The following ABCD2 variants were observed in gnomAD, a reference collection of about 807,000 sequenced individuals.
ABCD2 encodes the protein ATP binding cassette subfamily D member 2, also known as ATP-binding cassette sub-family D member 2.
ABCD2 carries 36 observed loss-of-function variants against 70.9 expected under a neutral mutation model. That is an observed-to-expected ratio of 0.51 (90% CI 0.39 to 0.67). The LOEUF is 0.67. Among genes scored for constraint, ABCD2 ranks in the 30% least tolerant of loss-of-function variants. The pLI, the probability that ABCD2 is intolerant of heterozygous loss-of-function variation, is 0.00. For missense variants in ABCD2, 729 were observed against 890.2 expected (o/e 0.82, Z 2.30); for synonymous variants, 304 against 306.9 (o/e 0.99, Z 0.10).
intron 5 of ABCD2, among the ~76,000 whole-genome samples, 159 bp from the exon 6 acceptor site, chr12:39,600,875 C>T (rs1274016876): frequency 6.6e-6 from 1 of 152,088 alleles, no homozygotes; most frequent in Non-Finnish European, 1.5e-5. Flanking sequence ...ACAAGTTTGG[C>T]TTTTGACTAT....
In ABCD2 at chr12:39,554,073, A is replaced by G. The variant is rs780619465; in HGVS notation, c.2062T>C (p.Leu688=). 12 of 1,613,738 alleles carry G rather than the reference A, an allele frequency of 7.4e-6. No individual in the cohort carries two copies. The highest frequency in any genetic ancestry group is 7.6e-6 in the Non-Finnish European group (9 of 1,179,834). ...DGEGGWRFEQ[L]DTAIRLTLSE... The stretch of plus-strand genomic sequence containing the variant: ...AATGTCAAACGGATAGCAGTATCCA[A>G]TTGTTCAAAGCGCCAACCTCCTTCA... Residue 688 remains leucine, a synonymous_variant, in exon 10 of 10, where the codon TTG becomes CTG. Transcript: ENST00000308666.
intron 7 of ABCD2, among the ~76,000 whole-genome samples, chr12:39,582,256 G>T (rs1002023536): frequency 1.3e-5 from 2 of 152,074 alleles, no homozygotes; most frequent in African/African-American, 2.4e-5. Flanking sequence ...ATAGAACACT[G>T]ACTTTCAAGT....
At chr12:39,570,428 T>C (rs1383988890) in intron 9 of ABCD2, among the ~76,000 whole-genome samples, 3 of 152,024 alleles carry the variant, frequency 2.0e-5, no homozygotes, top group Non-Finnish European at 2.9e-5. Flanking sequence ...CAGAAATAAA[T>C]CCTTGTATTT....
At position 39,604,153 on chromosome 12, in the gene ABCD2, C is replaced by T. The variant is rs896923372; in HGVS notation, c.1406-147G>A. On this transcript the variant is annotated intron_variant, in intron 4 of 9. Coordinates refer to ENST00000308666, the MANE Select transcript of ABCD2 (RefSeq NM_005164.4). ...CAGAAACAAATGTAAATATAGATAT[C>T]CAGACCTGAAGCAAAGTTTAATGTA... 4 of 620,208 alleles carry T rather than the reference C, an allele frequency of 6.4e-6. No individual in the cohort carries two copies. The African/African-American group carries it at 7.6e-5, about 12-fold the overall frequency. The allele number at this position is 620,208 out of a possible 1,614,324, so 38.4% of individuals were successfully genotyped here.
intron 6 of ABCD2, among the ~76,000 whole-genome samples, chr12:39,594,530 C>T (rs1403599656): frequency 1.3e-5 from 2 of 152,130 alleles, no homozygotes; most frequent in African/African-American, 2.4e-5. Context: ...TTTTAAAACA[C>T]ACACACTATA....
At chr12:39,568,603 A>G (rs1176176204) in intron 9 of ABCD2, among the ~76,000 whole-genome samples, 1 of 151,964 alleles carries the variant, frequency 6.6e-6, no homozygotes, top group Non-Finnish European at 1.5e-5. Flanking sequence ...TAGTTTGATC[A>G]TCTGAAGCCT....
chr12:39,566,288 T>A (rs1941346256), intron 9 of ABCD2, among the ~76,000 whole-genome samples: 1 of 152,192 alleles, frequency 6.6e-6, no homozygotes, highest in Non-Finnish European at 1.5e-5. Context: ...AAGCTATTAA[T>A]TATTGCCTCA....
chr12:39,544,516 A>G, the ABCD2 span, among the ~76,000 whole-genome samples: 33 of 152,206 alleles, frequency 2.2e-4, no homozygotes, highest in Non-Finnish European at 4.3e-4. Flanking sequence ...AGTTTATCCC[A>G]AAGTTATTTC....
At chr12:39,572,129 T>C (rs989546547) in intron 9 of ABCD2, among the ~76,000 whole-genome samples, 3 of 152,208 alleles carry the variant, frequency 2.0e-5, no homozygotes, top group Non-Finnish European at 4.4e-5. Flanking sequence ...AGAATATTTG[T>C]TCCCTCAATT....
intron 2 of ABCD2, among the ~76,000 whole-genome samples, chr12:39,610,845 G>T (rs1471361442): frequency 6.6e-6 from 1 of 152,138 alleles, no homozygotes; most frequent in Non-Finnish European, 1.5e-5. Flanking sequence ...AGCATTGCCA[G>T]TAGTATTTTG....
the ABCD2 span, among the ~76,000 whole-genome samples, chr12:39,531,937 A>G: frequency 6.6e-6 from 1 of 152,264 alleles, no homozygotes; most frequent in Non-Finnish European, 1.5e-5. Flanking sequence ...ACTGTTTTCT[A>G]AAGCTTTGAC....
intron 2 of ABCD2, among the ~76,000 whole-genome samples, chr12:39,616,780 T>G (rs560314159): frequency 6.6e-6 from 1 of 152,056 alleles, no homozygotes; most frequent in South Asian, 2.1e-4. Flanking sequence ...CTGAAATAGC[T>G]CAGAACTGGG....
intron 7 of ABCD2, among the ~76,000 whole-genome samples, chr12:39,581,918 T>C (rs565890407): frequency 4.3e-4 from 65 of 152,334 alleles, no homozygotes; most frequent in South Asian, 1.2e-3. Flanking sequence ...ATGTATACTC[T>C]TCTTTAGTTC....
At chr12:39,592,879 T>C (rs749931314) in intron 6 of ABCD2, among the ~76,000 whole-genome samples, 17 of 152,166 alleles carry the variant, frequency 1.1e-4, no homozygotes, top group African/African-American at 4.8e-5. Context: ...TAGAGACCTA[T>C]AGGAAAATTG....
rs1027949656 is a variant in ABCD2, at chr12:39,608,689, A to G, written c.1121-975T>C. On this transcript the variant is annotated intron_variant, in intron 2 of 9. Transcript: ENST00000308666. ...GGTGACAGAGTGAGACCCTGCCTCA[A>G]ATAAAATAAAATAAATAAAATAAAA... 4.9e-4 allele frequency among the ~76,000 whole-genome samples: 74 copies of G among 152,218 alleles called. 1 individual carries two copies. Among genetic ancestry groups the G allele is most frequent in the Non-Finnish European group, 7.4e-5 (5 of 68,018 alleles).
chr12:39,565,971 G>T (rs991527671), intron 9 of ABCD2, among the ~76,000 whole-genome samples: 5 of 152,162 alleles, frequency 3.3e-5, no homozygotes, highest in Non-Finnish European at 7.3e-5. Flanking sequence ...GCATCCCAGG[G>T]ATGAAGCCCA....
chr12:39,536,866 T>C, the ABCD2 span, among the ~76,000 whole-genome samples: 5 of 152,194 alleles, frequency 3.3e-5, no homozygotes, highest in Admixed American at 3.3e-4. Context: ...CTAAAAACCT[T>C]CTGGTTTGAG....
chr12:39,534,466 G>A, the ABCD2 span, among the ~76,000 whole-genome samples: 27 of 152,084 alleles, frequency 1.8e-4, no homozygotes, highest in African/African-American at 6.0e-4. Flanking sequence ...TTTTTGTAAA[G>A]ATAAAGTGAG....
chr12:39,534,944 G>T, the ABCD2 span, among the ~76,000 whole-genome samples: 34,444 of 132,168 alleles, frequency 0.26, 5,527 homozygotes, highest in African/African-American at 0.49. Context: ...AAGAAAGAAA[G>T]AAAGAAAACA....
Sources: allele counts gnomAD v4.1 joint callset (sites outside exome capture counted in the v4.1 genomes callset), GRCh38; gene constraint gnomAD v4.1.1; transcripts MANE v1.5; gene names NCBI Gene and HGNC (gene_info 2026-07-23, HGNC 2026-07-21).